SATB1: variants seen among roughly 807,000 people sequenced by gnomAD.
The protein encoded by SATB1 is SATB homeobox 1, also known as DNA-binding protein SATB1.
In SATB1, 11 loss-of-function variants were observed where a neutral mutation model predicts 86.9. The observed-to-expected ratio is 0.13, with a 90% confidence interval of 0.08 to 0.21. The LOEUF (loss-of-function observed/expected upper bound fraction) is 0.21. SATB1 is among the 10% of genes least tolerant of loss of function. The pLI is 1.00. For synonymous variants in SATB1, 357 were observed against 357.2 expected, an observed-to-expected ratio of 1.00 and a Z score of 0.01; for missense variants, 551 against 937.6, an observed-to-expected ratio of 0.59 and a Z score of 5.39.
rs572705703 is a variant in SATB1 at position 18,420,270 on chromosome 3, T to G, written c.211+487A>C. The stretch of plus-strand genomic sequence containing the variant: ...CTAGAATCATCAGATTTTTTACTGC[T>G]AATGAATTTGCTCTTAAGAAAATAA... On this transcript the variant is annotated intron_variant, in intron 2 of 10. Coordinates refer to ENST00000338745, the MANE Select transcript of SATB1 (RefSeq NM_002971.6). Among the ~76,000 whole-genome samples, 14 of 152,344 alleles carry G rather than the reference T, an allele frequency of 9.2e-5. No individual in the cohort carries two copies. The East Asian group carries it at 2.7e-3, about 29-fold the overall frequency.
rs1699331676 is a variant in SATB1 at position 18,444,596 on chromosome 3, G to A, written c.-25+922C>T. 2.0e-6 allele frequency: 2 copies of A among 985,594 alleles called. No homozygotes were observed. Among genetic ancestry groups the A allele is most frequent in the African/African-American group, 1.7e-5 (1 of 57,200 alleles). 61.1% of individuals were successfully genotyped at this position (985,594 alleles called of 1,614,324 possible). On this transcript the variant is annotated intron_variant, in intron 1 of 3. Coordinates refer to the SATB1 transcript ENST00000415069. The surrounding 1 kb of genome is among the most constrained non-coding windows in gnomAD (Gnocchi z 5.1). ...GCAAGGGGAAAAGGGAGGCAAAAGA[G>A]CAGAACTCACTCAGGCATGGACGTT... is the stretch of plus-strand genomic sequence containing the variant.
chr3:18,389,957 T>C (rs1416024142), intron 7 of SATB1, among the ~76,000 whole-genome samples: 1 of 152,162 alleles, frequency 6.6e-6, no homozygotes, highest in Non-Finnish European at 1.5e-5. Context: ...TGTCATTACA[T>C]AGCGGTTAAG....
chr3:18,428,710 G>C (rs566414262), upstream of SATB1, among the ~76,000 whole-genome samples: 38 of 152,282 alleles, frequency 2.5e-4, 2 homozygotes, highest in South Asian at 7.7e-3. Flanking sequence ...ATTTAAAACA[G>C]AGTGCATCAA....
chr3:18,443,322 A>G (rs1021140572), upstream of SATB1, among the ~76,000 whole-genome samples: 16 of 152,234 alleles, frequency 1.1e-4, no homozygotes, highest in Non-Finnish European at 7.4e-5. The surrounding 1 kb of genome is among the most constrained non-coding windows in gnomAD (Gnocchi z 4.4). Flanking sequence ...CAGTCAGAGC[A>G]GTAAGGTTCT....
chr3:18,346,309 C>T lies in SATB1; in HGVS notation c.*2861G>A, dbSNP rs762902996. 1 of 152,062 alleles carries T rather than the reference C, an allele frequency of 6.6e-6. No homozygotes were observed. Among genetic ancestry groups the T allele is most frequent in the Non-Finnish European group, 1.5e-5 (1 of 67,980 alleles). The allele number at this position is 152,062 out of a possible 1,614,324, so 9.4% of individuals were successfully genotyped here. A position where few individuals can be genotyped will look rare whatever the true frequency, so the allele number is the denominator to read the frequency against. On this transcript the variant is annotated 3_prime_UTR_variant, in exon 11 of 11. Transcript: ENST00000338745. ...CAGATGCACAAGGTTGAATATTACCCGTAAACTACCTGACTCTGCTAAGGT... is the reference window on the plus strand; with the variant it reads ...CAGATGCACAAGGTTGAATATTACCTGTAAACTACCTGACTCTGCTAAGGT...
chr3:18,400,176 A>G (rs537990436), intron 5 of SATB1, among the ~76,000 whole-genome samples: 7 of 152,328 alleles, frequency 4.6e-5, no homozygotes, highest in African/African-American at 1.7e-4. Context: ...GGATGTACAG[A>G]TAGTAGGCCA....
At chr3:18,398,425 C>T (rs150224165) in intron 5 of SATB1, among the ~76,000 whole-genome samples, 1,756 of 152,230 alleles carry the variant, frequency 0.012, 15 homozygotes, top group Non-Finnish European at 0.019. Context: ...ATCAGTTGGT[C>T]TATGGTGAAA....
chr3:18,436,192 G>T (rs1007252230), intron 2 of SATB1, among the ~76,000 whole-genome samples: 31 of 152,070 alleles, frequency 2.0e-4, no homozygotes, highest in Admixed American at 7.2e-4. Flanking sequence ...AAGCTGCAAT[G>T]AAAAATATCT....
chr3:18,420,562 G>A (rs2125170326), intron 2 of SATB1, 195 bp downstream of exon 2: 8 of 587,752 alleles, frequency 1.4e-5, no homozygotes, highest in Middle Eastern at 4.5e-4. Flanking sequence ...ACAGTAGAAC[G>A]CTCCACCCAA....
At chr3:18,407,943 G>A (rs1697631323) in intron 5 of SATB1, among the ~76,000 whole-genome samples, 1 of 151,970 alleles carries the variant, frequency 6.6e-6, no homozygotes, top group Non-Finnish European at 1.5e-5. Flanking sequence ...CAAATAGTAG[G>A]TGGACAGTAA....
intron 9 of SATB1, among the ~76,000 whole-genome samples, chr3:18,362,012 G>A (rs1694926706): frequency 6.6e-6 from 1 of 151,964 alleles, no homozygotes. Flanking sequence ...TAGTAGCTAG[G>A]TATTAGTTTT....
rs1696330759 is a variant in SATB1 at position 18,386,121 on chromosome 3, A to G, written c.1419+278T>C. On this transcript the variant is annotated intron_variant, in intron 8 of 10. Transcript: ENST00000338745. The surrounding 1 kb of genome is among the most constrained non-coding windows in gnomAD (Gnocchi z 4.5). ...GTTTAAAATACTTTACTTAATAACA[A>G]CAGTAGAGACAAATATCCCATTTAA... Among the ~76,000 whole-genome samples the G allele has an allele frequency of 6.6e-6, 1 of 152,166 alleles. No individual in the cohort carries two copies. Among genetic ancestry groups the G allele is most frequent in the African/African-American group, 2.4e-5 (1 of 41,440 alleles).
chr3:18,348,776 T>C lies in SATB1; in HGVS notation c.*394A>G. ...TAAGGGGCAAGTTTCCAAAGATCAG[T>C]GTGGAGTGCTACAGAAATAATTATA... On this transcript the variant is annotated 3_prime_UTR_variant, in exon 11 of 11. Coordinates refer to ENST00000338745, the MANE Select transcript of SATB1 (RefSeq NM_002971.6). The C allele has an allele frequency of 5.7e-6, 1 of 174,362 alleles. No individual in the cohort carries two copies. The highest frequency in any genetic ancestry group is 1.2e-5 in the Non-Finnish European group (1 of 82,328). The allele number at this position is 174,362 out of a possible 1,614,324, so 10.8% of individuals were successfully genotyped here.
intron 6 of SATB1, 26 bp downstream of exon 6, chr3:18,397,153 A>G (rs766067616): frequency 1.6e-6 from 2 of 1,244,236 alleles, no homozygotes; most frequent in Non-Finnish European, 2.4e-6. Context: ...GTATGTAGCC[A>G]CTGCTGCAAT....
At chr3:18,358,538 T>A (rs1223312052) in intron 9 of SATB1, among the ~76,000 whole-genome samples, 2 of 151,980 alleles carry the variant, frequency 1.3e-5, no homozygotes, top group Admixed American at 1.3e-4. Flanking sequence ...ATTGGTCTTA[T>A]TAAAGAAAAC....
chr3:18,369,972 C>T (rs1013449653), intron 9 of SATB1, among the ~76,000 whole-genome samples: 3 of 152,110 alleles, frequency 2.0e-5, no homozygotes, highest in African/African-American at 4.8e-5. Flanking sequence ...TAATTACAAG[C>T]GAGAGGGTGA....
At position 18,386,634 on chromosome 3, in the gene SATB1, G is replaced by T; in HGVS notation, c.1207-23C>A. 2 of 1,596,724 alleles carry T rather than the reference G, an allele frequency of 1.3e-6. No homozygotes were observed. Among genetic ancestry groups the T allele is most frequent in the Non-Finnish European group, 1.7e-6 (2 of 1,164,716 alleles). On this transcript the variant is annotated intron_variant, in intron 7 of 10. Transcript: ENST00000338745. This position sits in a 1 kb window ranked among gnomAD's most constrained non-coding sequence, Gnocchi z 4.5. ...GCCCTGCAAGAAATGAAAGGCACAG[G>T]GTGAGCCTGCTGCCTTGCTTTGCCT...
At chr3:18,353,858 T>C (rs1694499221) in intron 9 of SATB1, among the ~76,000 whole-genome samples, 1 of 152,240 alleles carries the variant, frequency 6.6e-6, no homozygotes. Flanking sequence ...ACATGTCTTT[T>C]AATTAAGCAA....
intron 1 of SATB1, chr3:18,445,322 TC>T: frequency 1.0e-6 from 1 of 981,286 alleles, no homozygotes; most frequent in South Asian, 4.6e-5. Flanking sequence ...TGCGCACCGC[TC>T]CCGGGCTCCC....
Sources: allele counts gnomAD v4.1 joint callset (sites outside exome capture counted in the v4.1 genomes callset), GRCh38; gene constraint gnomAD v4.1.1; non-coding constraint Gnocchi (gnomAD v3.1); transcripts MANE v1.5; gene names NCBI Gene and HGNC (gene_info 2026-07-23, HGNC 2026-07-21).